The following ATP1B1 variants were observed in gnomAD, a reference collection of about 807,000 sequenced individuals.
ATP1B1 encodes ATPase Na+/K+ transporting subunit beta 1, also known as sodium/potassium-transporting ATPase subunit beta-1.
ATP1B1 carries 3 observed loss-of-function variants against 39.6 expected under a neutral mutation model. The observed-to-expected ratio is 0.08, with a 90% CI of 0.03 to 0.20. The LOEUF is 0.20. Ranked by LOEUF, ATP1B1 falls within the 10% of genes least tolerant of loss-of-function variation. The probability of loss-of-function intolerance (pLI) is 1.00; values close to 1 mark genes in which losing one functional copy is unlikely to be tolerated. For missense variants in ATP1B1, 216 were observed against 371.1 expected (o/e 0.58, Z 3.43); for synonymous variants, 139 against 135.0 (o/e 1.03, Z -0.20).
At chr1:169,126,490 TAA>T (rs1241209556) in intron 3 of ATP1B1, among the ~76,000 whole-genome samples, 3 of 152,092 alleles carry the variant, frequency 2.0e-5, no homozygotes, top group Non-Finnish European at 2.9e-5. Context: ...TGCATAGCTT[TAA>T]AAGGCAGAAA....
At chr1:169,112,170 C>G (rs1172515148) in intron 2 of ATP1B1, among the ~76,000 whole-genome samples, 1 of 152,200 alleles carries the variant, frequency 6.6e-6, no homozygotes, top group Non-Finnish European at 1.5e-5. Flanking sequence ...TTAACTGTCT[C>G]TTTTAGCTCT....
intron 4 of ATP1B1, among the ~76,000 whole-genome samples, chr1:169,128,141 C>T (rs1031901719): frequency 3.9e-5 from 6 of 152,162 alleles, no homozygotes; most frequent in African/African-American, 1.4e-4. Context: ...TCATCCTCTC[C>T]TCCAGATCAT....
At chr1:169,107,000 C>T (rs975030649) in intron 1 of ATP1B1, 74 bp downstream of exon 1, 1 of 1,418,502 alleles carries the variant, frequency 7.0e-7, no homozygotes. Context: ...GCGCAGGGTC[C>T]GCGGCCGGTT....
intron 2 of ATP1B1, among the ~76,000 whole-genome samples, chr1:169,116,002 C>G (rs140594417): frequency 6.6e-6 from 1 of 152,198 alleles, no homozygotes; most frequent in Non-Finnish European, 1.5e-5. Flanking sequence ...TGGGGAGAGA[C>G]GCAGCAATTA....
chr1:169,118,497 C>T (rs1657903244), intron 2 of ATP1B1, among the ~76,000 whole-genome samples: 1 of 152,110 alleles, frequency 6.6e-6, no homozygotes, highest in African/African-American at 2.4e-5. Flanking sequence ...AGTGCAAAGG[C>T]GCCTTTTTTC....
At chr1:169,112,459 G>A (rs563072729) in intron 2 of ATP1B1, among the ~76,000 whole-genome samples, 1 of 152,258 alleles carries the variant, frequency 6.6e-6, no homozygotes, top group Non-Finnish European at 1.5e-5. Context: ...TGAAGCTGCT[G>A]CTGAGGGATG....
intron 2 of ATP1B1, among the ~76,000 whole-genome samples, chr1:169,123,078 A>C (rs1027890066): frequency 1.3e-5 from 2 of 152,170 alleles, no homozygotes; most frequent in Non-Finnish European, 2.9e-5. Flanking sequence ...CTCAATCACT[A>C]GAAAGAATAG....
At chr1:169,121,829 T>G (rs1047334270) in intron 2 of ATP1B1, among the ~76,000 whole-genome samples, 1 of 152,222 alleles carries the variant, frequency 6.6e-6, no homozygotes, top group African/African-American at 2.4e-5. Flanking sequence ...TTTTGGCTTT[T>G]GCTGCATCCC....
At chr1:169,129,029 G>A (rs1658146530) in intron 4 of ATP1B1, among the ~76,000 whole-genome samples, 1 of 152,124 alleles carries the variant, frequency 6.6e-6, no homozygotes, top group Non-Finnish European at 1.5e-5. Context: ...ACCATTGGAG[G>A]ATAGATTCTG....
Position 169,129,999 on chromosome 1 carries a change from T to A in ATP1B1, c.568-11T>A. 2 of 1,612,982 alleles carry A rather than the reference T, an allele frequency of 1.2e-6. No homozygotes were observed. The highest frequency in any genetic ancestry group is 2.2e-5 in the South Asian group (2 of 90,966). Reference sequence around the variant, plus strand: ...TTACAATCTACTGATCATAATGGGTTTTATTTTTAGCCTCCCAAGAATGAG... The same window carrying A: ...TTACAATCTACTGATCATAATGGGTATTATTTTTAGCCTCCCAAGAATGAG... On this transcript the variant is annotated splice_polypyrimidine_tract_variant and intron_variant, in intron 4 of 5. Transcript: ENST00000367815.
At chr1:169,114,097 C>T (rs1462453518) in intron 2 of ATP1B1, among the ~76,000 whole-genome samples, 1 of 129,054 alleles carries the variant, frequency 7.7e-6, no homozygotes, top group Non-Finnish European at 1.7e-5. Flanking sequence ...CAAAGTGCAG[C>T]TCTTGGGCCA....
intron 1 of ATP1B1, among the ~76,000 whole-genome samples, chr1:169,109,035 T>A (rs747959974): frequency 6.6e-6 from 1 of 152,174 alleles, no homozygotes; most frequent in Non-Finnish European, 1.5e-5. Flanking sequence ...TTGGCTCGAT[T>A]TTGCTTATAG....
intron 4 of ATP1B1, among the ~76,000 whole-genome samples, chr1:169,129,658 A>C (rs898798548): frequency 6.6e-6 from 1 of 152,232 alleles, no homozygotes; most frequent in Non-Finnish European, 1.5e-5. Flanking sequence ...TTTCTCATGT[A>C]ATCTAATCTT....
In ATP1B1 at chr1:169,131,272, C is replaced by T. The variant is rs751239403; in HGVS notation, c.649-20C>T. On this transcript the variant is annotated intron_variant, in intron 5 of 5. Transcript: ENST00000367815. This position sits in a 1 kb window ranked among gnomAD's most constrained non-coding sequence, Gnocchi z 4.4. The stretch of plus-strand genomic sequence containing the variant: ...TGCATGATGTGAGCCATTAAAATTT[C>T]ATTTCATTCTGGATTTCAGCGAGAT... The T allele has an allele frequency of 6.2e-7, 1 of 1,609,366 alleles. No individual in the cohort carries two copies. The highest frequency in any genetic ancestry group is 8.5e-7 in the Non-Finnish European group (1 of 1,177,188).
chr1:169,111,620 G>T lies in ATP1B1; in HGVS notation c.226+122G>T, dbSNP rs1571219546. ...TAGTCTTAAAGCAACCATGAAAAGG[G>T]AAAAGAGAAACTTCTCTCGGCTGCA... On this transcript the variant is annotated intron_variant, in intron 2 of 5. Transcript: ENST00000367815. The T allele has an allele frequency of 5.1e-6, 7 of 1,365,474 alleles. No individual in the cohort carries two copies. In the East Asian group the frequency reaches 1.4e-4, roughly 27 times the overall value. 84.6% of individuals were successfully genotyped at this position (1,365,474 alleles called of 1,614,324 possible). A position where few individuals can be genotyped will look rare whatever the true frequency, so the allele number is the denominator to read the frequency against.
chr1:169,117,772 G>T (rs1037771107), intron 2 of ATP1B1, among the ~76,000 whole-genome samples: 1 of 152,214 alleles, frequency 6.6e-6, no homozygotes, highest in African/African-American at 2.4e-5. Flanking sequence ...TGACCAGCTG[G>T]TCTGTCGGAT....
intron 2 of ATP1B1, among the ~76,000 whole-genome samples, chr1:169,113,656 C>G (rs183771204): frequency 1.7e-4 from 26 of 152,284 alleles, no homozygotes; most frequent in African/African-American, 5.8e-4. Context: ...CACCCTCTCA[C>G]GGTGCCTCCC....
intron 2 of ATP1B1, among the ~76,000 whole-genome samples, chr1:169,124,553 G>C (rs1658049771): frequency 6.6e-6 from 1 of 152,206 alleles, no homozygotes. Flanking sequence ...AGCACACCTG[G>C]GTTGGAATTC....
intron 2 of ATP1B1, among the ~76,000 whole-genome samples, chr1:169,111,897 G>C (rs1657738168): frequency 6.6e-6 from 1 of 152,144 alleles, no homozygotes; most frequent in African/African-American, 2.4e-5. Flanking sequence ...CTTGAGGGGG[G>C]CTATGACTCA....
Sources: allele counts gnomAD v4.1 joint callset (sites outside exome capture counted in the v4.1 genomes callset), GRCh38; gene constraint gnomAD v4.1.1; non-coding constraint Gnocchi (gnomAD v3.1); transcripts MANE v1.5; gene names NCBI Gene and HGNC (gene_info 2026-07-23, HGNC 2026-07-21).